Variants in PLXDC1 observed in about 807,000 individuals in gnomAD.
PLXDC1 encodes plexin domain containing 1, also known as plexin domain-containing protein 1.
In PLXDC1, 39 loss-of-function variants were observed where a neutral mutation model predicts 61.3. That is an observed-to-expected ratio of 0.64 (90% CI 0.49 to 0.83). The LOEUF (loss-of-function observed/expected upper bound fraction) is 0.83. Ranked by LOEUF, PLXDC1 falls within the 40% of genes least tolerant of loss-of-function variation. The probability of loss-of-function intolerance (pLI) is 0.00; values close to 1 mark genes in which losing one functional copy is unlikely to be tolerated. For synonymous variants in PLXDC1, 212 were observed against 254.5 expected, an observed-to-expected ratio of 0.83 and a Z score of 1.59; for missense variants, 596 against 666.5, an observed-to-expected ratio of 0.89 and a Z score of 1.17.
intron 6 of PLXDC1, among the ~76,000 whole-genome samples, chr17:39,106,826 A>T (rs1164468867): frequency 3.3e-5 from 5 of 150,906 alleles, no homozygotes; most frequent in Admixed American, 6.6e-5. Flanking sequence ...AATTTTTTGT[A>T]TTTTTAGTAG....
chr17:39,119,764 CT>C (rs1911100421), intron 2 of PLXDC1, among the ~76,000 whole-genome samples: 1 of 151,952 alleles, frequency 6.6e-6, no homozygotes, highest in Admixed American at 6.6e-5. Flanking sequence ...TTTTTTTTAA[CT>C]TCATTTTTAA....
chr17:39,087,956 A>G lies in PLXDC1; in HGVS notation c.812-254T>C, dbSNP rs1239169667. The stretch of plus-strand genomic sequence containing the variant: ...TTGGGGGCAGGACAAATGGGATCCC[A>G]TGCTTGCTTCTCCTTGCCTCTGCGC... On this transcript the variant is annotated intron_variant, in intron 7 of 13. Coordinates refer to ENST00000315392, the MANE Select transcript of PLXDC1 (RefSeq NM_020405.5). Among the ~76,000 whole-genome samples, 3 of 152,278 alleles carry G rather than the reference A, an allele frequency of 2.0e-5. No homozygotes were observed. In the East Asian group the frequency reaches 5.8e-4, roughly 29 times the overall value.
In PLXDC1 at chr17:39,149,714, C is replaced by T. The variant is rs369931560; in HGVS notation, c.76+1648G>A. 1.6e-3 allele frequency among the ~76,000 whole-genome samples: 245 copies of T among 152,218 alleles called. 10 individuals carry two copies. The South Asian group carries it at 0.047, about 29-fold the overall frequency. On this transcript the variant is annotated intron_variant, in intron 1 of 13. Coordinates refer to ENST00000315392, the MANE Select transcript of PLXDC1 (RefSeq NM_020405.5). ...TGAAGGGGCCGCCCTCAGCCAGGCC[C>T]GGGTCTGGCCACTATCTCCCAGCCC...
At chr17:39,152,821 C>A (rs1314561849), upstream of PLXDC1, 3 of 604,140 alleles carry the variant, frequency 5.0e-6, no homozygotes, top group South Asian at 1.8e-4. Context: ...AGAAAGGAAA[C>A]AACTAAAGGC....
At position 39,139,827 on chromosome 17, in the gene PLXDC1, C is replaced by A. The variant is rs200462942; in HGVS notation, c.82G>T (p.Asp28Tyr). 6.2e-7 allele frequency: 1 copy of A among 1,600,484 alleles called. No individual in the cohort carries two copies. Reference protein sequence around the residue: ...ALSPQPGAGHDEGPGSGWAAK... With the variant: ...ALSPQPGAGHYEGPGSGWAAK... ...GCCCATCCAGAGCCTGGGCCCTCATCGTGACCTGGGAGAAGGGGACAGAAA... is the reference window on the plus strand; with the variant it reads ...GCCCATCCAGAGCCTGGGCCCTCATAGTGACCTGGGAGAAGGGGACAGAAA... The change falls in exon 2 of 14, where the codon GAT becomes TAT. Residue 28 changes from aspartate to tyrosine, a missense_variant. Physicochemically the swap from Asp to Tyr is radical, Grantham distance 160. Coordinates refer to ENST00000315392, the MANE Select transcript of PLXDC1 (RefSeq NM_020405.5).
intron 9 of PLXDC1, chr17:39,081,396 A>C (rs1433927269): frequency 6.6e-6 from 1 of 151,782 alleles, no homozygotes; most frequent in Non-Finnish European, 1.5e-5. Flanking sequence ...CGGGCGGATC[A>C]TGAGGTCAGG....
chr17:39,117,983 C>T (rs887476145), intron 2 of PLXDC1, among the ~76,000 whole-genome samples: 11 of 152,148 alleles, frequency 7.2e-5, no homozygotes, highest in Admixed American at 3.3e-4. Flanking sequence ...TTCCTCAGGG[C>T]TGAGCATCAG....
At chr17:39,069,583 C>T (rs1331381669) in intron 13 of PLXDC1, among the ~76,000 whole-genome samples, 1 of 152,134 alleles carries the variant, frequency 6.6e-6, no homozygotes. Context: ...TTTCTTTCCT[C>T]TGGGGATTTT....
chr17:39,097,553 C>T lies in PLXDC1; in HGVS notation c.811+8301G>A, dbSNP rs528744881. 4.6e-5 allele frequency among the ~76,000 whole-genome samples: 7 copies of T among 152,154 alleles called. No homozygotes were observed. In the South Asian group the frequency reaches 8.3e-4, roughly 18 times the overall value. On this transcript the variant is annotated intron_variant, in intron 7 of 13. Transcript: ENST00000315392. ...GGCCATGGATACTGTCCCAGAAAAA[C>T]GCATGGATGTGAACATGTTCCACTT... is the stretch of plus-strand genomic sequence containing the variant.
intron 2 of PLXDC1, among the ~76,000 whole-genome samples, chr17:39,128,153 G>GTA (rs1353380502): frequency 4.3e-4 from 10 of 23,268 alleles, no homozygotes; most frequent in African/African-American, 2.4e-3. Flanking sequence ...ATATATGTGT[G>GTA]TATATATATG....
intron 7 of PLXDC1, among the ~76,000 whole-genome samples, chr17:39,089,734 C>A (rs1278065630): frequency 6.6e-6 from 1 of 152,150 alleles, no homozygotes; most frequent in East Asian, 1.9e-4. Flanking sequence ...GGGTGCCCCA[C>A]CCCCACATCC....
At chr17:39,150,762 CTT>C (rs1419632325) in intron 1 of PLXDC1, among the ~76,000 whole-genome samples, 1 of 152,164 alleles carries the variant, frequency 6.6e-6, no homozygotes, top group African/African-American at 2.4e-5. Flanking sequence ...GAGGGGGACT[CTT>C]GAGGCTGGGG....
intron 6 of PLXDC1, 137 bp downstream of exon 6, chr17:39,107,270 A>G (rs1237686868): frequency 1.0e-5 from 6 of 601,310 alleles, no homozygotes; most frequent in Non-Finnish European, 1.5e-5. Context: ...CCAAAAGGGT[A>G]GGACCCGCAA....
At position 39,144,435 on chromosome 17, in the gene PLXDC1, C is replaced by T. The variant is rs1216996815; in HGVS notation, c.77-4603G>A. On this transcript the variant is annotated intron_variant, in intron 1 of 13. Coordinates refer to ENST00000315392, the MANE Select transcript of PLXDC1 (RefSeq NM_020405.5). ...GAGCTTGACCAGGACCCTGGCCTAC[C>T]CTGGCCTAGCCCTGAATCTTACTCT... Among the ~76,000 whole-genome samples, 4 of 152,174 alleles carry T rather than the reference C, an allele frequency of 2.6e-5. No individual in the cohort carries two copies. In the East Asian group the frequency reaches 7.7e-4, roughly 29 times the overall value.
chr17:39,087,622 A>C lies in PLXDC1; in HGVS notation c.892T>G (p.Phe298Val). 1 of 1,613,738 alleles carries C rather than the reference A, an allele frequency of 6.2e-7. No homozygotes were observed. Among genetic ancestry groups the C allele is most frequent in the Non-Finnish European group, 8.5e-7 (1 of 1,179,772 alleles). The change falls in exon 8 of 14, where the codon TTC becomes GTC. Residue 298 changes from phenylalanine (F) to valine (V), a missense_variant. Coordinates refer to ENST00000315392, the MANE Select transcript of PLXDC1 (RefSeq NM_020405.5). ...SKVTSMSAVE[F>V]TPLPTCLQHR... ...CCCTACTCACTCGGCAATGGGGTGA[A>C]CTCCACGGCCGACATGCTGGTGACC...
Position 39,092,676 on chromosome 17 carries a change from G to A in PLXDC1, c.812-4974C>T, listed in dbSNP as rs367912451. Among the ~76,000 whole-genome samples the A allele has an allele frequency of 3.3e-5, 5 of 152,344 alleles. No individual in the cohort carries two copies. The South Asian group carries it at 1.0e-3, about 32-fold the overall frequency. ...AGAAAAGTGAGATCGGAGAGGGGAC[G>A]TTATTTGCCCAAAGCCACACAGTCT... On this transcript the variant is annotated intron_variant, in intron 7 of 13. Coordinates refer to ENST00000315392, the MANE Select transcript of PLXDC1 (RefSeq NM_020405.5).
At chr17:39,119,632 G>A (rs1041226844) in intron 2 of PLXDC1, among the ~76,000 whole-genome samples, 2 of 152,022 alleles carry the variant, frequency 1.3e-5, no homozygotes, top group South Asian at 2.1e-4. Context: ...CATAGTCCGA[G>A]CTATTCAGAG....
chr17:39,139,891 A>C, intron 1 of PLXDC1, 59 bp from the exon 2 acceptor site: 1 of 1,500,520 alleles, frequency 6.7e-7, no homozygotes. Flanking sequence ...TCAGGAGGGG[A>C]ATCCAGCCCA....
At chr17:39,089,164 A>G (rs886529208) in intron 7 of PLXDC1, among the ~76,000 whole-genome samples, 5 of 152,222 alleles carry the variant, frequency 3.3e-5, no homozygotes, top group African/African-American at 9.6e-5. Flanking sequence ...TGGAAACAGC[A>G]GCATTCCCCT....
Sources: gnomAD v4.1 joint callset for allele counts (sites outside exome capture counted in the v4.1 genomes callset) on GRCh38, gnomAD v4.1.1 for gene constraint, MANE v1.5 for transcripts, NCBI Gene and HGNC (gene_info 2026-07-23, HGNC 2026-07-21) for gene names.